WDFY4: variants seen among roughly 807,000 people sequenced by gnomAD.
WDFY4 encodes WD repeat- and FYVE domain-containing protein 4.
Under a neutral mutation model 351.9 loss-of-function variants are expected in WDFY4, and 169 were observed. That is an observed-to-expected ratio of 0.48 (90% CI 0.42 to 0.55). The LOEUF (loss-of-function observed/expected upper bound fraction) is 0.55. Ranked by LOEUF, WDFY4 falls within the 20% of genes least tolerant of loss-of-function variation. The pLI is 0.00. For missense variants in WDFY4, 3,803 were observed against 3,935.6 expected (o/e 0.97, Z 0.90); for synonymous variants, 1,622 against 1,574.6 (o/e 1.03, Z -0.71).
chr10:48,789,860 G>A lies in WDFY4; in HGVS notation c.3955-14G>A, dbSNP rs2066619827. ...CAGGACTTTCTTAGGACTAATTGCT[G>A]CTCATTTCTCTAGATGAACATTTCA... On this transcript the variant is annotated splice_polypyrimidine_tract_variant and intron_variant, in intron 21 of 61. Coordinates refer to ENST00000325239, the MANE Select transcript of WDFY4 (RefSeq NM_001394531.1). 6.4e-7 allele frequency: 1 copy of A among 1,551,994 alleles called. No homozygotes were observed. Among genetic ancestry groups the A allele is most frequent in the Non-Finnish European group, 8.7e-7 (1 of 1,146,920 alleles).
intron 47 of WDFY4, among the ~76,000 whole-genome samples, chr10:48,922,651 A>G (rs1007107139): frequency 9.9e-5 from 15 of 152,218 alleles, no homozygotes; most frequent in East Asian, 3.8e-4. Context: ...CAGGTATTCA[A>G]TGGGGGTCTT....
chr10:48,722,337 T>A (rs1904602), intron 4 of WDFY4, among the ~76,000 whole-genome samples: 116,072 of 152,056 alleles, frequency 0.76, 44,521 homozygotes, highest in East Asian at 0.88. Flanking sequence ...GTGGTGACAC[T>A]TTAACCTAAG....
chr10:48,870,911 A>G (rs1395057157), intron 40 of WDFY4, among the ~76,000 whole-genome samples: 1 of 151,534 alleles, frequency 6.6e-6, no homozygotes, highest in Non-Finnish European at 1.5e-5. Flanking sequence ...CCCAGGTTGC[A>G]TAGGTGGAGA....
chr10:48,906,914 G>A (rs1193614849), intron 47 of WDFY4, among the ~76,000 whole-genome samples: 1 of 151,812 alleles, frequency 6.6e-6, no homozygotes, highest in African/African-American at 2.4e-5. Context: ...TCCAGGGATA[G>A]ATAATAAGAA....
At chr10:48,895,490 G>A (rs1316924364) in intron 44 of WDFY4, among the ~76,000 whole-genome samples, 2 of 152,206 alleles carry the variant, frequency 1.3e-5, no homozygotes, top group African/African-American at 4.8e-5. Flanking sequence ...GAGGGCTGGC[G>A]TGCTTGGGAG....
chr10:48,845,327 T>G (rs2068740031), intron 39 of WDFY4, among the ~76,000 whole-genome samples: 1 of 151,928 alleles, frequency 6.6e-6, no homozygotes, highest in Non-Finnish European at 1.5e-5. Context: ...TCCTTCAACC[T>G]CCCCCACACA....
chr10:48,897,622 C>T, intron 45 of WDFY4, 48 bp downstream of exon 45: 1 of 1,530,760 alleles, frequency 6.5e-7, no homozygotes, highest in Non-Finnish European at 8.8e-7. Flanking sequence ...AGAGGCAGGG[C>T]CATGGGACAG....
chr10:48,784,036 T>A (rs2066312758), intron 19 of WDFY4, among the ~76,000 whole-genome samples: 2 of 152,248 alleles, frequency 1.3e-5, no homozygotes, highest in Non-Finnish European at 2.9e-5. Flanking sequence ...TTCTTTTTTA[T>A]TTCTGAGTAG....
At chr10:48,739,055 C>T (rs912019361) in intron 11 of WDFY4, among the ~76,000 whole-genome samples, 9 of 152,142 alleles carry the variant, frequency 5.9e-5, no homozygotes, top group Admixed American at 1.3e-4. Context: ...TCTCCTTGGC[C>T]GGTGGGACTG....
At chr10:48,787,876 TTCTTTCTTCTTCTTC>T (rs2066481398) in intron 20 of WDFY4, among the ~76,000 whole-genome samples, 3 of 95,950 alleles carry the variant, frequency 3.1e-5, no homozygotes, top group African/African-American at 1.9e-4. Flanking sequence ...TCTTTCTTCT[TTCTTTCTTCTTCTTC>T]TCCTTCTTCT....
chr10:48,804,562 CAAAAAAAAAAA>C (rs58660119), intron 25 of WDFY4, among the ~76,000 whole-genome samples: 1 of 101,658 alleles, frequency 9.8e-6, no homozygotes, highest in South Asian at 3.1e-4. Flanking sequence ...TGTGTTAATA[CAAAAAAAAAAA>C]AAAAAAAAAG....
At chr10:48,806,364 C>G (rs560160908) in intron 27 of WDFY4, among the ~76,000 whole-genome samples, 1 of 152,218 alleles carries the variant, frequency 6.6e-6, no homozygotes, top group South Asian at 2.1e-4. Flanking sequence ...ATGTGGGATC[C>G]GGGATCCTGC....
At position 48,894,056 on chromosome 10, in the gene WDFY4, G is replaced by T. The variant is rs116247982; in HGVS notation, c.7316+3329G>T. ...TTGTCGAAGACTCCCAATCACAGCT[G>T]TGTGAATGTTACATATGATAGACCT... On this transcript the variant is annotated intron_variant, in intron 44 of 61. Coordinates refer to ENST00000325239, the MANE Select transcript of WDFY4 (RefSeq NM_001394531.1). Among the ~76,000 whole-genome samples the T allele has an allele frequency of 3.9e-3, 599 of 152,302 alleles. 3 individuals carry two copies. Among genetic ancestry groups the T allele is most frequent in the African/African-American group, 0.013 (555 of 41,558 alleles).
intron 30 of WDFY4, 133 bp from the exon 31 acceptor site, chr10:48,813,824 A>G: frequency 8.9e-7 from 1 of 1,119,876 alleles, no homozygotes; most frequent in Non-Finnish European, 1.2e-6. Context: ...CTATGGATCA[A>G]CCACCTAGGC....
intron 58 of WDFY4, 56 bp downstream of exon 58, chr10:48,975,097 C>A (rs1486352960): frequency 1.3e-6 from 2 of 1,549,228 alleles, no homozygotes; most frequent in African/African-American, 1.4e-5. Context: ...GCATGGGGTA[C>A]AACACTCAGG....
chr10:48,971,571 T>TTTTCACTGAAACATG (rs1317917040), intron 57 of WDFY4, among the ~76,000 whole-genome samples: 14 of 151,904 alleles, frequency 9.2e-5, no homozygotes, highest in African/African-American at 3.1e-4. Context: ...CTCTGGATAA[T>TTTTCACTGAAACATG]TTTCACTGAA....
At chr10:48,866,097 A>G (rs1398829405) in intron 39 of WDFY4, among the ~76,000 whole-genome samples, 1 of 151,968 alleles carries the variant, frequency 6.6e-6, no homozygotes, top group Non-Finnish European at 1.5e-5. Context: ...TTCTGCATTA[A>G]TATTTATTTT....
chr10:48,723,010 C>A (rs1054221357), intron 4 of WDFY4, among the ~76,000 whole-genome samples: 1 of 152,110 alleles, frequency 6.6e-6, no homozygotes, highest in Admixed American at 6.5e-5. Flanking sequence ...TGCTCACACA[C>A]ATATTATCAG....
intron 27 of WDFY4, among the ~76,000 whole-genome samples, chr10:48,807,128 C>G (rs1443318870): frequency 1.8e-4 from 27 of 152,124 alleles, no homozygotes; most frequent in Non-Finnish European, 3.5e-4. Flanking sequence ...CTCCATTTCC[C>G]CAGGTTGCCT....
Sources: gnomAD v4.1 joint callset for allele counts (sites outside exome capture counted in the v4.1 genomes callset) on GRCh38, gnomAD v4.1.1 for gene constraint, MANE v1.5 for transcripts, NCBI Gene and HGNC (gene_info 2026-07-23, HGNC 2026-07-21) for gene names.